PAXBP1: variants seen among roughly 807,000 people sequenced by gnomAD.
PAXBP1 encodes PAX3- and PAX7-binding protein 1.
PAXBP1 carries 44 observed loss-of-function variants against 119.9 expected under a neutral mutation model. The observed-to-expected ratio is 0.37, with a 90% CI of 0.29 to 0.47. The LOEUF is 0.47. Among genes scored for constraint, PAXBP1 ranks in the 20% least tolerant of loss-of-function variants. The pLI is 0.99. For missense variants in PAXBP1, 898 were observed against 1,134.1 expected (o/e 0.79, Z 2.99); for synonymous variants, 393 against 406.6 (o/e 0.97, Z 0.40).
chr21:32,743,568 T>G, intron 14 of PAXBP1, 110 bp downstream of exon 14: 1 of 845,240 alleles, frequency 1.2e-6, no homozygotes, highest in South Asian at 1.6e-5. Context: ...CTCTCTGTAA[T>G]ACACTACATG....
chr21:32,743,381 G>C (rs1569155943), intron 14 of PAXBP1, 67 bp from the exon 15 acceptor site: 22 of 1,090,072 alleles, frequency 2.0e-5, no homozygotes, highest in Non-Finnish European at 2.5e-5. Context: ...ATGATTCCTG[G>C]ACAAAAGATT....
chr21:32,771,279 G>T, intron 1 of PAXBP1, 47 bp downstream of exon 1: 1 of 1,501,930 alleles, frequency 6.7e-7, no homozygotes, highest in Non-Finnish European at 8.9e-7. Context: ...ACGGGGGCCT[G>T]CGTCGGGGAT....
intron 4 of PAXBP1, 28 bp downstream of exon 4, chr21:32,762,068 G>C (rs370370503): frequency 1.2e-6 from 2 of 1,612,414 alleles, no homozygotes; most frequent in African/African-American, 1.3e-5. Flanking sequence ...CAATGCAATA[G>C]GCTTACTATT....
chr21:32,753,945 G>A (rs771760332), intron 8 of PAXBP1, among the ~76,000 whole-genome samples: 13 of 152,302 alleles, frequency 8.5e-5, no homozygotes, highest in South Asian at 2.1e-4. Context: ...CCTGTAATCT[G>A]CCCCAGAAAT....
At chr21:32,762,818 G>A (rs1266685338) in intron 3 of PAXBP1, among the ~76,000 whole-genome samples, 2 of 151,208 alleles carry the variant, frequency 1.3e-5, no homozygotes, top group South Asian at 2.1e-4. Context: ...GGCTAAGGCA[G>A]GAGAATCGCT....
chr21:32,760,583 T>A (rs886835839), intron 5 of PAXBP1, among the ~76,000 whole-genome samples: 1 of 152,242 alleles, frequency 6.6e-6, no homozygotes, highest in Non-Finnish European at 1.5e-5. Flanking sequence ...TCCAAAAAAA[T>A]AAGCTACACG....
intron 2 of PAXBP1, among the ~76,000 whole-genome samples, chr21:32,766,653 A>G (rs1601611203): frequency 6.6e-6 from 1 of 152,094 alleles, no homozygotes; most frequent in South Asian, 2.1e-4. Context: ...TTGTGCCTTG[A>G]CCCTACAAAC....
In PAXBP1 at chr21:32,762,232, A is replaced by G; in HGVS notation, c.735T>C (p.Asp245=). The G allele has an allele frequency of 6.2e-7, 1 of 1,614,148 alleles. No individual in the cohort carries two copies. The highest frequency in any genetic ancestry group is 8.5e-7 in the Non-Finnish European group (1 of 1,180,036). ...CAAGGCGGCCTTTACCAGGCTCATT[A>G]TCATGAGGAGTGAAATCTCCCAATT... is the stretch of plus-strand genomic sequence containing the variant. ...ARELGDFTPH[D]NEPGKGRLVR... is the part of the protein sequence containing the mutation. The change falls in exon 4 of 18, where the codon GAT becomes GAC. Residue 245 remains aspartate, a synonymous_variant. Transcript: ENST00000331923.
intron 15 of PAXBP1, chr21:32,741,538 T>C: frequency 1.3e-6 from 1 of 778,168 alleles, no homozygotes; most frequent in Non-Finnish European, 2.4e-6. Context: ...GGCCTGTCCG[T>C]CCAGATTCTT....
chr21:32,736,093 GA>G (rs2043688581), intron 17 of PAXBP1, among the ~76,000 whole-genome samples: 1 of 152,044 alleles, frequency 6.6e-6, no homozygotes, highest in Non-Finnish European at 1.5e-5. Context: ...AAAACACAGA[GA>G]AAAAAATATT....
intron 12 of PAXBP1, 64 bp from the exon 13 acceptor site, chr21:32,744,977 A>T: frequency 6.6e-7 from 1 of 1,521,632 alleles, no homozygotes; most frequent in African/African-American, 1.4e-5. Flanking sequence ...TTTGTCAAGC[A>T]GACCTCTATT....
intron 15 of PAXBP1, among the ~76,000 whole-genome samples, chr21:32,740,682 A>T (rs770568463): frequency 5.3e-5 from 8 of 152,222 alleles, no homozygotes; most frequent in Non-Finnish European, 1.0e-4. Context: ...GTGGCTTCAT[A>T]TTAGGCAAAG....
intron 16 of PAXBP1, among the ~76,000 whole-genome samples, chr21:32,737,896 A>G (rs1012236907): frequency 1.3e-5 from 2 of 152,232 alleles, no homozygotes; most frequent in Admixed American, 6.5e-5. Context: ...TTCTGAAATC[A>G]AAACTTTTAT....
chr21:32,749,696 GT>G (rs1470361289), intron 10 of PAXBP1, among the ~76,000 whole-genome samples: 2 of 151,784 alleles, frequency 1.3e-5, no homozygotes, highest in Non-Finnish European at 2.9e-5. Flanking sequence ...AAAAAAAAAA[GT>G]TTAACTTAAA....
At chr21:32,764,956 T>C (rs1189021403) in intron 2 of PAXBP1, among the ~76,000 whole-genome samples, 1 of 152,246 alleles carries the variant, frequency 6.6e-6, no homozygotes, top group African/African-American at 2.4e-5. Flanking sequence ...GCAACTCTGT[T>C]ATGAACAAAG....
chr21:32,761,908 C>CT (rs2044154253), intron 4 of PAXBP1, among the ~76,000 whole-genome samples, 188 bp downstream of exon 4: 1 of 152,116 alleles, frequency 6.6e-6, no homozygotes, highest in Non-Finnish European at 1.5e-5. Context: ...TGTGGTGACG[C>CT]ACACCTGTAG....
At chr21:32,744,021 A>C (rs2043829911) in intron 13 of PAXBP1, among the ~76,000 whole-genome samples, 1 of 152,204 alleles carries the variant, frequency 6.6e-6, no homozygotes, top group Non-Finnish European at 1.5e-5. Flanking sequence ...TAGCTCTCAA[A>C]GTGAAAATTC....
At chr21:32,752,154 A>G (rs2043967198) in intron 8 of PAXBP1, 1 of 152,322 alleles carries the variant, frequency 6.6e-6, no homozygotes, top group African/African-American at 2.4e-5. Flanking sequence ...CTGTTCATAT[A>G]GAAGAGCAAG....
rs754925241 is a variant in PAXBP1, at chr21:32,739,206, AAAG to A, written c.2335-890_2335-888del. 6.6e-5 allele frequency among the ~76,000 whole-genome samples: 10 copies of A among 152,340 alleles called. No homozygotes were observed. The South Asian group carries it at 8.3e-4, about 13-fold the overall frequency. ...TAGTACTGTTACAGATGCAGGGGAA[AAAG>A]AAGAATTCATTATAGACAATGGAGG... On this transcript the variant is annotated intron_variant, in intron 15 of 17. Coordinates refer to ENST00000331923, the MANE Select transcript of PAXBP1 (RefSeq NM_016631.4).
Sources: gnomAD v4.1 joint callset for allele counts (sites outside exome capture counted in the v4.1 genomes callset) on GRCh38, gnomAD v4.1.1 for gene constraint, MANE v1.5 for transcripts, NCBI Gene and HGNC (gene_info 2026-07-23, HGNC 2026-07-21) for gene names.